Variants in RASA4B observed in about 807,000 individuals in gnomAD.
RASA4B encodes the protein ras GTPase-activating protein 4B.
In RASA4B, 2 loss-of-function variants were observed where a neutral mutation model predicts 24.2. That is an observed-to-expected ratio of 0.08 (90% CI 0.03 to 0.26). The LOEUF (loss-of-function observed/expected upper bound fraction) is 0.26. Among genes scored for constraint, RASA4B ranks in the 10% least tolerant of loss-of-function variants. The probability of loss-of-function intolerance (pLI) is 1.00; values close to 1 mark genes in which losing one functional copy is unlikely to be tolerated. For missense variants in RASA4B, 8 were observed against 277.2 expected (o/e 0.03, Z 6.90); for synonymous variants, 2 against 125.6 (o/e 0.02, Z 6.58).
intron 18 of RASA4B, among the ~76,000 whole-genome samples, chr7:102,487,289 C>T (rs1316435035): frequency 1.1e-5 from 1 of 91,656 alleles, no homozygotes; most frequent in Non-Finnish European, 2.6e-5. Context: ...GAGCAAGACC[C>T]TGTTTTAAAA....
intron 18 of RASA4B, among the ~76,000 whole-genome samples, chr7:102,487,207 CT>C (rs1420438363): frequency 1.1e-5 from 1 of 93,514 alleles, no homozygotes; most frequent in African/African-American, 3.0e-5. Context: ...AGGAGGATTG[CT>C]TGAGCCCAGG....
At chr7:102,506,268 T>C (rs1203968426) in intron 5 of RASA4B, among the ~76,000 whole-genome samples, 2 of 152,398 alleles carry the variant, frequency 1.3e-5, no homozygotes, top group Admixed American at 1.3e-4. Flanking sequence ...TTTATTTTTT[T>C]TGAGATACAG....
chr7:102,480,468 T>TA lies in RASA4B; in HGVS notation c.*3123dup, dbSNP rs1798588572. Among the ~76,000 whole-genome samples, 1 of 143,518 alleles carries TA rather than the reference T, an allele frequency of 7.0e-6. No homozygotes were observed. Among genetic ancestry groups the TA allele is most frequent in the African/African-American group, 2.6e-5 (1 of 39,110 alleles). The allele number at this position is 143,518 out of a possible 152,430, so 94.2% of individuals were successfully genotyped here. A position where few individuals can be genotyped will look rare whatever the true frequency, so the allele number is the denominator to read the frequency against. The stretch of plus-strand genomic sequence containing the variant: ...AGGCTGGCATTGGGTGAGTCTCTGG[T>TA]AGGACCAGGCCATGTATACTTTTTA... On this transcript the variant is annotated 3_prime_UTR_variant, in exon 21 of 21. Transcript: ENST00000465829.
chr7:102,503,825 G>A (rs1268387941), intron 5 of RASA4B, among the ~76,000 whole-genome samples: 3 of 49,280 alleles, frequency 6.1e-5, no homozygotes, highest in East Asian at 7.3e-4. Flanking sequence ...TTTTTGAGAC[G>A]GAGTCTCGCT....
chr7:102,490,764 G>A (rs1166144552), intron 17 of RASA4B, among the ~76,000 whole-genome samples: 4 of 150,852 alleles, frequency 2.7e-5, no homozygotes, highest in African/African-American at 9.7e-5. Flanking sequence ...CACTCCCATA[G>A]CACCCAGGCC....
rs1401696426 is a variant in RASA4B at position 102,482,040 on chromosome 7, G to C, written c.*1552C>G. On this transcript the variant is annotated 3_prime_UTR_variant, in exon 21 of 21. Coordinates refer to ENST00000465829, the MANE Select transcript of RASA4B (RefSeq NM_001367767.2). Reference sequence around the variant, plus strand: ...GGAGGCTTTAGAGTGGGGGGCAACCGGGGGAGGAAGGAGGTTGGCTGAGCC... The same window carrying C: ...GGAGGCTTTAGAGTGGGGGGCAACCCGGGGAGGAAGGAGGTTGGCTGAGCC... 1.4e-5 allele frequency among the ~76,000 whole-genome samples: 2 copies of C among 145,926 alleles called. No homozygotes were observed. The highest frequency in any genetic ancestry group is 3.1e-5 in the Non-Finnish European group (2 of 65,092).
At chr7:102,512,810 GAGAGGGAGGAGAGTA>G (rs1799741131) in intron 1 of RASA4B, among the ~76,000 whole-genome samples, 2 of 150,286 alleles carry the variant, frequency 1.3e-5, no homozygotes, top group Non-Finnish European at 3.0e-5. Context: ...GGGAGGGGGA[GAGAGGGAGGAGAGTA>G]AGAGGGAGGG....
At chr7:102,502,801 C>T (rs1371374149) in intron 6 of RASA4B, among the ~76,000 whole-genome samples, 3 of 112,774 alleles carry the variant, frequency 2.7e-5, no homozygotes, top group East Asian at 2.4e-4. Flanking sequence ...AAAACAGTAG[C>T]GACTATACTG....
At chr7:102,500,420 C>G (rs1799323091) in intron 8 of RASA4B, among the ~76,000 whole-genome samples, 2 of 135,508 alleles carry the variant, frequency 1.5e-5, no homozygotes, top group African/African-American at 5.3e-5. Context: ...TGCAGTGAGT[C>G]GAGATCACGC....
chr7:102,492,710 G>C lies in RASA4B; in HGVS notation c.1830+406C>G, dbSNP rs1430184989. Among the ~76,000 whole-genome samples, 43 of 124,478 alleles carry C rather than the reference G, an allele frequency of 3.5e-4. No homozygotes were observed. In the East Asian group the frequency reaches 0.011, roughly 33 times the overall value. 81.7% of individuals were successfully genotyped at this position (124,478 alleles called of 152,430 possible). A position where few individuals can be genotyped will look rare whatever the true frequency, so the allele number is the denominator to read the frequency against. On this transcript the variant is annotated intron_variant, in intron 16 of 20. Coordinates refer to ENST00000465829, the MANE Select transcript of RASA4B (RefSeq NM_001367767.2). Reference sequence around the variant, plus strand: ...GACGGAGTCTTGCTCTGTTGCCCAGGTTGGAGTGCAGTGGCACGATCTCGG... The same window carrying C: ...GACGGAGTCTTGCTCTGTTGCCCAGCTTGGAGTGCAGTGGCACGATCTCGG...
At chr7:102,507,510 CAAAA>C (rs1163660830) in intron 4 of RASA4B, among the ~76,000 whole-genome samples, 2 of 97,676 alleles carry the variant, frequency 2.0e-5, no homozygotes, top group African/African-American at 7.2e-5. Context: ...GACCCCATCT[CAAAA>C]AAAAAAAAAA....
intron 8 of RASA4B, 79 bp downstream of exon 8, chr7:102,500,620 C>T (rs1799332957): frequency 3.0e-5 from 2 of 66,756 alleles, no homozygotes; most frequent in African/African-American, 9.7e-5. Context: ...CCCCCCTGCC[C>T]TGCCTGCCTG....
chr7:102,506,217 G>A (rs1305347272), intron 5 of RASA4B, among the ~76,000 whole-genome samples: 1 of 152,064 alleles, frequency 6.6e-6, no homozygotes, highest in African/African-American at 2.4e-5. Context: ...GCATCTTCAA[G>A]TCCAGAAAAC....
intron 6 of RASA4B, among the ~76,000 whole-genome samples, chr7:102,502,778 G>A (rs1395154460): frequency 8.3e-6 from 1 of 120,760 alleles, no homozygotes; most frequent in African/African-American, 2.6e-5. Flanking sequence ...AAAACACCAC[G>A]AAACACAAAA....
intron 5 of RASA4B, among the ~76,000 whole-genome samples, chr7:102,504,195 A>C: frequency 6.6e-6 from 1 of 152,116 alleles, no homozygotes. Flanking sequence ...TGCAGCCTCC[A>C]CCTCCTGGGC....
intron 16 of RASA4B, among the ~76,000 whole-genome samples, chr7:102,492,639 T>G (rs1798991537): frequency 7.0e-6 from 1 of 143,838 alleles, no homozygotes; most frequent in Non-Finnish European, 1.6e-5. Flanking sequence ...AACAACCTGG[T>G]AAGGTCGGAT....
rs943005525 is a variant in RASA4B at position 102,480,331 on chromosome 7, G to C, written c.*3261C>G. Among the ~76,000 whole-genome samples, 1 of 151,846 alleles carries C rather than the reference G, an allele frequency of 6.6e-6. No homozygotes were observed. The highest frequency in any genetic ancestry group is 1.5e-5 in the Non-Finnish European group (1 of 67,932). ...GGGGACCCATGCTTCTGCTCAGGGG[G>C]TTGGCAGAAGCCAGCAAGGCTTGGG... On this transcript the variant is annotated 3_prime_UTR_variant, in exon 21 of 21. Coordinates refer to ENST00000465829, the MANE Select transcript of RASA4B (RefSeq NM_001367767.2).
intron 8 of RASA4B, among the ~76,000 whole-genome samples, chr7:102,500,334 C>T (rs6953559): frequency 1.4e-4 from 11 of 79,026 alleles, no homozygotes; most frequent in East Asian, 9.3e-4. Flanking sequence ...TAGCCAGGCG[C>T]GGTGGCGGGT....
intron 16 of RASA4B, among the ~76,000 whole-genome samples, chr7:102,492,751 G>A (rs1190953081): frequency 5.3e-4 from 30 of 56,680 alleles, no homozygotes; most frequent in Non-Finnish European, 8.2e-4. Context: ...TGCAACCTCC[G>A]CCTCCCAGGT....
Sources: allele counts gnomAD v4.1 joint callset (sites outside exome capture counted in the v4.1 genomes callset), GRCh38; gene constraint gnomAD v4.1.1; transcripts MANE v1.5; gene names NCBI Gene and HGNC (gene_info 2026-07-23, HGNC 2026-07-21).